The following MCCC1 variants were observed in gnomAD, a reference collection of about 807,000 sequenced individuals.
The protein encoded by MCCC1 is methylcrotonyl-CoA carboxylase subunit 1.
Under a neutral mutation model 83.8 loss-of-function variants are expected in MCCC1, and 64 were observed. The ratio of observed to expected loss-of-function variants is 0.76; its 90% CI spans 0.62 to 0.94. The LOEUF is 0.94. Ranked by LOEUF, MCCC1 falls within the 40% of genes least tolerant of loss-of-function variation. MCCC1 has a pLI of 0.00. For synonymous variants in MCCC1, 322 were observed against 315.4 expected (o/e 1.02, Z -0.22); for missense variants, 807 against 904.7 (o/e 0.89, Z 1.39).
chr3:183,090,289 C>T (rs1560278084), intron 3 of MCCC1, among the ~76,000 whole-genome samples: 1 of 152,162 alleles, frequency 6.6e-6, no homozygotes, highest in Non-Finnish European at 1.5e-5. Flanking sequence ...GGAGACTCCA[C>T]TGGATTTAGG....
chr3:183,107,674 C>T (rs943083136), intron 1 of MCCC1, among the ~76,000 whole-genome samples: 1 of 151,770 alleles, frequency 6.6e-6, no homozygotes, highest in Admixed American at 6.6e-5. Context: ...TCCCAAGTAG[C>T]TGGGATTACA....
At chr3:183,053,267 T>C (rs569316812) in intron 8 of MCCC1, among the ~76,000 whole-genome samples, 73 of 151,790 alleles carry the variant, frequency 4.8e-4, no homozygotes, top group Middle Eastern at 6.8e-3. Flanking sequence ...GCCCAGGAGA[T>C]TGATACCAGC....
chr3:183,109,616 A>G (rs2108586048), intron 1 of MCCC1, among the ~76,000 whole-genome samples: 1 of 152,354 alleles, frequency 6.6e-6, no homozygotes, highest in East Asian at 1.9e-4. Context: ...GTAGTATTCC[A>G]TAGTAAATAT....
chr3:183,015,580 T>C lies in MCCC1; in HGVS notation c.2050-14A>G, dbSNP rs1711548954. 3 of 1,613,954 alleles carry C rather than the reference T, an allele frequency of 1.9e-6. No homozygotes were observed. The highest frequency in any genetic ancestry group is 1.3e-5 in the African/African-American group (1 of 74,916). ...CTTTATGGTATGCTGCAGAGACACA[T>C]GACAGGACAAATGATAGCTGCAATA... On this transcript the variant is annotated splice_polypyrimidine_tract_variant and intron_variant, in intron 18 of 18. Coordinates refer to ENST00000265594, the MANE Select transcript of MCCC1 (RefSeq NM_020166.5).
In MCCC1 at chr3:183,056,974, C is replaced by T. The variant is rs113566442; in HGVS notation, c.873+337G>A. On this transcript the variant is annotated intron_variant, in intron 8 of 18. Coordinates refer to ENST00000265594, the MANE Select transcript of MCCC1 (RefSeq NM_020166.5). ...CCTCCCAAAGGGCTGGGACTACAGG[C>T]GTGAGCCACCGCGCCTGGCCATTCA... is the stretch of plus-strand genomic sequence containing the variant. Among the ~76,000 whole-genome samples the T allele has an allele frequency of 0.064, 9,725 of 152,266 alleles. 473 individuals are homozygous for T. The highest frequency in any genetic ancestry group is 0.11 in the African/African-American group (4,724 of 41,534).
Position 183,071,263 on chromosome 3 carries a change from T to A in MCCC1, c.586A>T (p.Arg196Trp), listed in dbSNP as rs750922662. ...QSDQCLKEHA[R>W]RIGYPVMIKA... ...ATCATGACAGGATAGCCAATTCTCC[T>A]GGCGTGTTCCTTCAGGCACTGGTCT... is the stretch of plus-strand genomic sequence containing the variant. The change falls in exon 6 of 19, where the codon AGG becomes TGG. Residue 196 changes from arginine (R) to tryptophan (W), a missense_variant. Arg to Trp is a moderately radical substitution (Grantham distance 101). Coordinates refer to ENST00000265594, the MANE Select transcript of MCCC1 (RefSeq NM_020166.5). 1.2e-6 allele frequency: 2 copies of A among 1,614,242 alleles called. No homozygotes were observed. Among genetic ancestry groups the A allele is most frequent in the South Asian group, 1.1e-5 (1 of 91,088 alleles).
chr3:183,106,081 T>TAAAAAAAA lies in MCCC1; in HGVS notation c.-102+9385_-102+9392dup, dbSNP rs563718218. ...TCCAGCCTGAGCAACAGAGAGTCCG[T>TAAAAAAAA]AAAAAAAAAAAAAAAGACTACCAAA... On this transcript the variant is annotated intron_variant, in intron 1 of 17. Transcript: ENST00000492597. Among the ~76,000 whole-genome samples the TAAAAAAAA allele has an allele frequency of 3.4e-4, 34 of 101,074 alleles. 1 individual carries two copies. Among genetic ancestry groups the TAAAAAAAA allele is most frequent in the African/African-American group, 1.2e-3 (32 of 27,804 alleles). The allele number at this position is 101,074 out of a possible 152,430, so 66.3% of individuals were successfully genotyped here.
At chr3:183,053,685 G>A (rs1213785420) in intron 8 of MCCC1, among the ~76,000 whole-genome samples, 5 of 150,142 alleles carry the variant, frequency 3.3e-5, no homozygotes, top group Admixed American at 2.7e-4. Context: ...GGCGCCTGTA[G>A]TCCCAGCTAC....
chr3:183,089,870 G>A (rs1382154397), intron 3 of MCCC1, among the ~76,000 whole-genome samples: 1 of 152,188 alleles, frequency 6.6e-6, no homozygotes, highest in Non-Finnish European at 1.5e-5. Flanking sequence ...CAGTATAGGT[G>A]AAAGGTCATG....
chr3:183,032,634 G>A (rs568632928), intron 14 of MCCC1, among the ~76,000 whole-genome samples: 1 of 152,288 alleles, frequency 6.6e-6, no homozygotes, highest in African/African-American at 2.4e-5. Flanking sequence ...CAGCACTTTG[G>A]GAGGCTGAGG....
upstream of MCCC1, among the ~76,000 whole-genome samples, chr3:183,101,295 GCA>G (rs1719274906): frequency 6.6e-6 from 1 of 152,256 alleles, no homozygotes; most frequent in Non-Finnish European, 1.5e-5. Context: ...GCACGGCGGC[GCA>G]GGACTGGCAG....
chr3:183,034,173 G>A lies in MCCC1; in HGVS notation c.1595-96C>T, dbSNP rs12330492. The A allele has an allele frequency of 2.3e-3, 2,024 of 870,464 alleles. 24 individuals carry two copies. The African/African-American group carries it at 0.029, about 13-fold the overall frequency. 53.9% of individuals were successfully genotyped at this position (870,464 alleles called of 1,614,324 possible). A position where few individuals can be genotyped will look rare whatever the true frequency, so the allele number is the denominator to read the frequency against. ...AAAACATAAAATGCAAGTGCTGGCC[G>A]GGCACAGTGGCTCATGCCTGTAATC... On this transcript the variant is annotated intron_variant, in intron 13 of 18. Coordinates refer to ENST00000265594, the MANE Select transcript of MCCC1 (RefSeq NM_020166.5).
chr3:183,058,546 C>G (rs1369323013), intron 7 of MCCC1, among the ~76,000 whole-genome samples: 1 of 152,094 alleles, frequency 6.6e-6, no homozygotes, highest in Non-Finnish European at 1.5e-5. Flanking sequence ...TCCTCAAGCC[C>G]AGGAATTCAA....
rs569082293 is a variant in MCCC1, at chr3:183,092,028, G to A, written c.273+381C>T. On this transcript the variant is annotated intron_variant, in intron 3 of 18. Coordinates refer to ENST00000265594, the MANE Select transcript of MCCC1 (RefSeq NM_020166.5). ...GATTGTGCCACTGCTCTCCAGCCTGGGCAACAGAGCGAGACTCAATCTCAA... is the reference window on the plus strand; with the variant it reads ...GATTGTGCCACTGCTCTCCAGCCTGAGCAACAGAGCGAGACTCAATCTCAA... 3.3e-5 allele frequency among the ~76,000 whole-genome samples: 5 copies of A among 151,740 alleles called. No individual in the cohort carries two copies. In the South Asian group the frequency reaches 1.0e-3, roughly 32 times the overall value.
intron 4 of MCCC1, among the ~76,000 whole-genome samples, chr3:183,077,027 T>C (rs1717127570): frequency 6.6e-6 from 1 of 152,186 alleles, no homozygotes; most frequent in Non-Finnish European, 1.5e-5. Flanking sequence ...AACGTAATAT[T>C]TTCAAGGTTC....
At chr3:183,019,397 C>A (rs1212374113) in intron 17 of MCCC1, among the ~76,000 whole-genome samples, 2 of 152,144 alleles carry the variant, frequency 1.3e-5, no homozygotes, top group Non-Finnish European at 2.9e-5. Flanking sequence ...GTGATTAGGT[C>A]ATGAGGGATC....
intron 4 of MCCC1, among the ~76,000 whole-genome samples, 197 bp from the exon 5 acceptor site, chr3:183,072,684 C>T (rs1716786451): frequency 6.6e-6 from 1 of 152,132 alleles, no homozygotes; most frequent in African/African-American, 2.4e-5. Flanking sequence ...CCAGATGAAT[C>T]TATATTTCTT....
intron 4 of MCCC1, among the ~76,000 whole-genome samples, chr3:183,076,566 T>C (rs1717090681): frequency 6.6e-6 from 1 of 152,220 alleles, no homozygotes; most frequent in Non-Finnish European, 1.5e-5. Flanking sequence ...ATGGTAAGAA[T>C]ACATTTAACT....
rs1267597276 is a variant in MCCC1, at chr3:183,015,945, TTGAGACGGAGTCTCACTC to T, written c.2050-397_2050-380del. Among the ~76,000 whole-genome samples the T allele has an allele frequency of 1.4e-4, 21 of 151,832 alleles. No homozygotes were observed. In the South Asian group the frequency reaches 4.2e-3, roughly 30 times the overall value. On this transcript the variant is annotated intron_variant, in intron 18 of 18. Coordinates refer to ENST00000265594, the MANE Select transcript of MCCC1 (RefSeq NM_020166.5). Reference sequence around the variant, plus strand: ...TTTTTGTTTTTTGTTGTTGTTGCTGTTGAGACGGAGTCTCACTCTGTCACCCAGGCTGGAGTGCAACGG... The same window carrying T: ...TTTTTGTTTTTTGTTGTTGTTGCTGTTGTCACCCAGGCTGGAGTGCAACGG...
Sources: allele counts gnomAD v4.1 joint callset (sites outside exome capture counted in the v4.1 genomes callset), GRCh38; gene constraint gnomAD v4.1.1; transcripts MANE v1.5; gene names NCBI Gene and HGNC (gene_info 2026-07-23, HGNC 2026-07-21).